Variants in TBC1D2 observed in about 807,000 individuals in gnomAD.
TBC1D2 encodes TBC1 domain family member 2A.
TBC1D2 carries 58 observed loss-of-function variants against 91.1 expected under a neutral mutation model. That is an observed-to-expected ratio of 0.64 (90% CI 0.52 to 0.79). The LOEUF is 0.79. Among genes scored for constraint, TBC1D2 ranks in the 30% least tolerant of loss-of-function variants. The pLI, the probability that TBC1D2 is intolerant of heterozygous loss-of-function variation, is 0.00. For missense variants in TBC1D2, 1,080 were observed against 1,208.3 expected, an observed-to-expected ratio of 0.89 and a Z score of 1.57; for synonymous variants, 482 against 511.5, an observed-to-expected ratio of 0.94 and a Z score of 0.78.
chr9:98,200,619 C>G (rs1420972868), intron 11 of TBC1D2, among the ~76,000 whole-genome samples: 3 of 152,214 alleles, frequency 2.0e-5, no homozygotes, highest in African/African-American at 7.2e-5. Flanking sequence ...GGACAGAGTC[C>G]TGGCTCTAGC....
chr9:98,233,488 C>T lies in TBC1D2; in HGVS notation c.709G>A (p.Gly237Arg), dbSNP rs1367280492. The change falls in exon 4 of 13, where the codon GGG becomes AGG. Residue 237 changes from glycine (G) to arginine (R), a missense_variant. By Grantham distance (125) the Gly-to-Arg change is moderately radical. Transcript: ENST00000465784. ...QAQGTGHEPPGEDSPQSGEPQ... is the reference protein window; with the variant it reads ...QAQGTGHEPPREDSPQSGEPQ... ...TCCCCACTCTGTGGAGAATCTTCCCCTGGAGGTTCATGGCCTGTTCCCTGG... is the reference window on the plus strand; with the variant it reads ...TCCCCACTCTGTGGAGAATCTTCCCTTGGAGGTTCATGGCCTGTTCCCTGG... The T allele has an allele frequency of 1.2e-6, 2 of 1,614,202 alleles. No homozygotes were observed. The highest frequency in any genetic ancestry group is 1.7e-5 in the Admixed American group (1 of 60,024).
In TBC1D2 at chr9:98,200,284, G is replaced by A. The variant is rs137868712; in HGVS notation, c.2548C>T (p.Arg850Cys). ...QNGLEIYQYL[R>C]FFTKTISNSR... is the part of the protein sequence containing the mutation. ...TTGGAGATGGTCTTGGTGAAGAAGC[G>A]CAGGTACTGGTAGATTTCCAGGCCA... Residue 850 changes from arginine (R) to cysteine (C), a missense_variant, in exon 12 of 13, where the codon CGC (arginine) becomes TGC (cysteine). Coordinates refer to ENST00000465784, the MANE Select transcript of TBC1D2 (RefSeq NM_001267571.2). The A allele has an allele frequency of 3.6e-3, 5,856 of 1,613,882 alleles. 31 individuals are homozygous for A. Among genetic ancestry groups the A allele is most frequent in the Middle Eastern group, 0.013 (76 of 6,054 alleles).
chr9:98,201,013 C>G lies in TBC1D2; in HGVS notation c.2457+466G>C, dbSNP rs147508801. Among the ~76,000 whole-genome samples, 87 of 144,032 alleles carry G rather than the reference C, an allele frequency of 6.0e-4. 1 individual carries two copies. Among genetic ancestry groups the G allele is most frequent in the African/African-American group, 2.3e-3 (85 of 36,878 alleles). The allele number at this position is 144,032 out of a possible 152,430, so 94.5% of individuals were successfully genotyped here. A position where few individuals can be genotyped will look rare whatever the true frequency, so the allele number is the denominator to read the frequency against. ...CCTTGGTGACAGAGCAAGGCTCCAT[C>G]TCAAAAAAAAAAAAAAAGAAAGAAA... On this transcript the variant is annotated intron_variant, in intron 11 of 12. Transcript: ENST00000465784.
chr9:98,231,279 C>CTTTTTTTTTTTTTTTTTTTTTT (rs35195996), intron 4 of TBC1D2, among the ~76,000 whole-genome samples: 1 of 76,740 alleles, frequency 1.3e-5, no homozygotes, highest in African/African-American at 5.5e-5. Context: ...CTCAACTCTG[C>CTTTTTTTTTTTTTTTTTTTTTT]TTTTTTTTTT....
intron 2 of TBC1D2, among the ~76,000 whole-genome samples, chr9:98,249,024 A>T (rs1588067573): frequency 6.6e-6 from 1 of 152,170 alleles, no homozygotes; most frequent in African/African-American, 2.4e-5. Flanking sequence ...TTTCAACGAC[A>T]TGGGAGCGGG....
At position 98,199,235 on chromosome 9, in the gene TBC1D2, G is replaced by T; in HGVS notation, c.*146C>A. On this transcript the variant is annotated 3_prime_UTR_variant, in exon 13 of 13. Transcript: ENST00000465784. ...TTGCAGCACACAATGTCCCAGTGGG[G>T]AAACTGAGGGCCAGAGAGGGGAAGG... The T allele has an allele frequency of 1.1e-6, 1 of 872,322 alleles. No homozygotes were observed. 54.0% of individuals were successfully genotyped at this position (872,322 alleles called of 1,614,324 possible).
chr9:98,202,420 G>A (rs1002512579), intron 10 of TBC1D2, among the ~76,000 whole-genome samples: 13 of 152,080 alleles, frequency 8.5e-5, no homozygotes, highest in Non-Finnish European at 1.5e-4. Context: ...TCTCACTTAT[G>A]TCCTCTTCCA....
chr9:98,225,874 G>A (rs563528489), intron 5 of TBC1D2, among the ~76,000 whole-genome samples: 152 of 152,336 alleles, frequency 1.0e-3, no homozygotes, highest in African/African-American at 3.5e-3. Context: ...AAAGAGTCAC[G>A]AAAGCCACTG....
At chr9:98,213,939 AAGG>A (rs1475301680) in intron 6 of TBC1D2, among the ~76,000 whole-genome samples, 4 of 152,210 alleles carry the variant, frequency 2.6e-5, no homozygotes, top group Non-Finnish European at 5.9e-5. Flanking sequence ...TGGGGCATAC[AAGG>A]AGAAGCCAGA....
Position 98,199,441 on chromosome 9 carries a change from G to A in TBC1D2, c.2727C>T (p.Ser909=). 1 of 1,614,032 alleles carries A rather than the reference G, an allele frequency of 6.2e-7. No homozygotes were observed. Residue 909 remains serine (S), a synonymous_variant, in exon 13 of 13, where the codon TCC becomes TCT. Transcript: ENST00000465784. ...AGCCCTCGGACACAGCTCTGCGCCG[G>A]GATGCCCGCCTCTCCAGGTACTCTG... is the stretch of plus-strand genomic sequence containing the variant. The part of the protein sequence containing the change: ...LKAEYLERRA[S]RRRAVSEGCA...
chr9:98,215,328 C>T lies in TBC1D2; in HGVS notation c.1375-2110G>A, dbSNP rs575938837. 2.3e-4 allele frequency among the ~76,000 whole-genome samples: 35 copies of T among 152,276 alleles called. No individual in the cohort carries two copies. The South Asian group carries it at 5.2e-3, about 23-fold the overall frequency. ...TGAATACAGAGGCTGTGCAGGCTTC[C>T]GGCATCACCCCCATCACCAACACCA... On this transcript the variant is annotated intron_variant, in intron 6 of 12. Transcript: ENST00000465784.
At chr9:98,225,428 T>C (rs1371459160) in intron 5 of TBC1D2, among the ~76,000 whole-genome samples, 3 of 152,202 alleles carry the variant, frequency 2.0e-5, no homozygotes, top group African/African-American at 7.2e-5. Context: ...CATTCATTTT[T>C]TCTCAAGAGC....
intron 3 of TBC1D2, among the ~76,000 whole-genome samples, chr9:98,242,969 C>T (rs1829682405): frequency 6.6e-6 from 1 of 151,830 alleles, no homozygotes; most frequent in South Asian, 2.1e-4. Flanking sequence ...ATTGTAGAGG[C>T]AGGGTCTCAG....
intron 2 of TBC1D2, among the ~76,000 whole-genome samples, chr9:98,246,237 G>A (rs1829761103): frequency 6.6e-6 from 1 of 152,168 alleles, no homozygotes; most frequent in African/African-American, 2.4e-5. Flanking sequence ...CCCTCTTACT[G>A]GGAGACTGAA....
chr9:98,246,463 G>C (rs570575028), intron 2 of TBC1D2, among the ~76,000 whole-genome samples: 1 of 152,154 alleles, frequency 6.6e-6, no homozygotes, highest in Non-Finnish European at 1.5e-5. Context: ...CCTCAAATGC[G>C]AGATCTTTGA....
chr9:98,250,600 G>C (rs1454772036), intron 2 of TBC1D2, among the ~76,000 whole-genome samples: 2 of 152,186 alleles, frequency 1.3e-5, no homozygotes, highest in African/African-American at 4.8e-5. Context: ...AATCTACTGA[G>C]AGGAGGGAAG....
intron 2 of TBC1D2, among the ~76,000 whole-genome samples, chr9:98,246,023 G>A (rs1829756919): frequency 6.6e-6 from 1 of 152,196 alleles, no homozygotes; most frequent in Admixed American, 6.5e-5. Context: ...TCTACAGTGA[G>A]TGACTTGAAA....
At chr9:98,238,091 ACGGG>A (rs1829553585) in intron 3 of TBC1D2, among the ~76,000 whole-genome samples, 2 of 135,332 alleles carry the variant, frequency 1.5e-5, no homozygotes, top group Non-Finnish European at 3.0e-5. Context: ...TTTAGTAGAG[ACGGG>A]ATTTTACCAT....
rs1167298562 is a variant in TBC1D2 at position 98,228,866 on chromosome 9, A to G, written c.978+86T>C. The G allele has an allele frequency of 7.6e-7, 1 of 1,324,352 alleles. No homozygotes were observed. The highest frequency in any genetic ancestry group is 1.0e-6 in the Non-Finnish European group (1 of 954,588). The allele number at this position is 1,324,352 out of a possible 1,614,324, so 82.0% of individuals were successfully genotyped here. ...AGAGTAGCTGGTGCCCAGCACGGCTAATGCGTCCCATCTAGCTTATCCGAA... is the reference window on the plus strand; with the variant it reads ...AGAGTAGCTGGTGCCCAGCACGGCTGATGCGTCCCATCTAGCTTATCCGAA... On this transcript the variant is annotated intron_variant, in intron 5 of 12. Transcript: ENST00000465784. The surrounding 1 kb of genome is among the most constrained non-coding windows in gnomAD (Gnocchi z 4.0).
Sources: allele counts gnomAD v4.1 joint callset (sites outside exome capture counted in the v4.1 genomes callset), GRCh38; gene constraint gnomAD v4.1.1; non-coding constraint Gnocchi (gnomAD v3.1); transcripts MANE v1.5; gene names NCBI Gene and HGNC (gene_info 2026-07-23, HGNC 2026-07-21).